SKP1: variants seen among roughly 807,000 people sequenced by gnomAD.
The protein encoded by SKP1 is S-phase kinase-associated protein 1.
SKP1 carries 1 observed loss-of-function variant against 21.5 expected under a neutral mutation model. The ratio of observed to expected loss-of-function variants is 0.05; its 90% CI spans 0.02 to 0.22. The LOEUF is 0.22. Among genes scored for constraint, SKP1 ranks in the 10% least tolerant of loss-of-function variants. The pLI is 1.00. For synonymous variants in SKP1, 59 were observed against 59.3 expected, an observed-to-expected ratio of 0.99 and a Z score of 0.03; for missense variants, 70 against 192.0, an observed-to-expected ratio of 0.36 and a Z score of 3.76.
chr5:134,163,482 A>T (rs1352964202), intron 3 of SKP1, among the ~76,000 whole-genome samples: 1 of 150,340 alleles, frequency 6.7e-6, no homozygotes, highest in African/African-American at 2.5e-5. Flanking sequence ...CAATACAAAC[A>T]GGCTTAAAAA....
intron 3 of SKP1, among the ~76,000 whole-genome samples, chr5:134,163,537 C>G (rs1016352739): frequency 2.0e-5 from 3 of 151,696 alleles, no homozygotes; most frequent in Non-Finnish European, 4.4e-5. Context: ...CACCTATAAT[C>G]CCAGCACTCT....
rs745539137 is a variant in SKP1, at chr5:134,158,612, GT to G, written c.316-18del. ...GTTTGCAGCCTGTAAAGAGACAGTT[GT>G]TTTCCTTAAAGTATACTTGATGTTT... is the stretch of plus-strand genomic sequence containing the variant. On this transcript the variant is annotated intron_variant, in intron 4 of 5. Transcript: ENST00000353411. 8.7e-6 allele frequency: 14 copies of G among 1,608,996 alleles called. No homozygotes were observed. The highest frequency in any genetic ancestry group is 1.1e-5 in the Non-Finnish European group (13 of 1,177,030).
chr5:134,171,928 C>CA (rs1437660737), intron 2 of SKP1, among the ~76,000 whole-genome samples: 5 of 152,186 alleles, frequency 3.3e-5, no homozygotes, highest in Non-Finnish European at 7.3e-5. Flanking sequence ...CCTGTAATCC[C>CA]AGCTACTTGG....
chr5:134,153,057 G>T lies in SKP1; in HGVS notation c.*4676C>A, dbSNP rs1201846369. The stretch of plus-strand genomic sequence containing the variant: ...TCTTGACTTCTTCCTAGCTTAAAAA[G>T]TTATAGACTGGTTTCAAATCCAGAT... On this transcript the variant is annotated 3_prime_UTR_variant, in exon 6 of 6. Coordinates refer to ENST00000353411, the MANE Select transcript of SKP1 (RefSeq NM_170679.3). 4 of 152,174 alleles carry T rather than the reference G, an allele frequency of 2.6e-5. No homozygotes were observed. Among genetic ancestry groups the T allele is most frequent in the Non-Finnish European group, 5.9e-5 (4 of 68,040 alleles). 9.4% of individuals were successfully genotyped at this position (152,174 alleles called of 1,614,324 possible). A position where few individuals can be genotyped will look rare whatever the true frequency, so the allele number is the denominator to read the frequency against.
At chr5:134,173,630 G>A (rs775428262) in intron 2 of SKP1, 9 of 469,248 alleles carry the variant, frequency 1.9e-5, no homozygotes, top group South Asian at 1.3e-4. Flanking sequence ...TGGAACTTAT[G>A]AATTCAAATT....
At chr5:134,176,058 T>C (rs1176988630) in intron 1 of SKP1, among the ~76,000 whole-genome samples, 4 of 152,112 alleles carry the variant, frequency 2.6e-5, no homozygotes, top group East Asian at 3.8e-4. Context: ...AAAGGAAAAA[T>C]GCATGTCCCT....
Position 134,163,157 on chromosome 5 carries a change from G to A in SKP1, c.172-2027C>T, listed in dbSNP as rs573182658. On this transcript the variant is annotated intron_variant, in intron 3 of 5. Transcript: ENST00000353411. The stretch of plus-strand genomic sequence containing the variant: ...TTGAGCCCAGGAGGCTGAGGCTGTA[G>A]TGAGCCATGATCGTGCCACTGCACT... Among the ~76,000 whole-genome samples the A allele has an allele frequency of 2.3e-5, 3 of 129,350 alleles. No homozygotes were observed. The East Asian group carries it at 7.1e-4, about 31-fold the overall frequency. The allele number at this position is 129,350 out of a possible 152,430, so 84.9% of individuals were successfully genotyped here. A position where few individuals can be genotyped will look rare whatever the true frequency, so the allele number is the denominator to read the frequency against.
intron 2 of SKP1, among the ~76,000 whole-genome samples, chr5:134,169,887 G>C (rs544752649): frequency 2.6e-5 from 4 of 152,106 alleles, no homozygotes; most frequent in Admixed American, 1.3e-4. Context: ...TGTAGTCCCA[G>C]CTACTCAGGA....
chr5:134,166,540 C>T (rs1395164646), intron 3 of SKP1, among the ~76,000 whole-genome samples: 1 of 126,628 alleles, frequency 7.9e-6, no homozygotes, highest in African/African-American at 3.0e-5. Context: ...GAGATCATAC[C>T]ACTACCCTCC....
intron 3 of SKP1, 79 bp downstream of exon 3, chr5:134,167,091 T>G: frequency 1.4e-6 from 1 of 716,252 alleles, no homozygotes; most frequent in East Asian, 2.6e-5. Flanking sequence ...AATTCTAACA[T>G]AGATTGTTGA....
chr5:134,157,519 A>G lies in SKP1; in HGVS notation c.*214T>C. The G allele has an allele frequency of 9.4e-6, 5 of 534,128 alleles. No homozygotes were observed. The highest frequency in any genetic ancestry group is 1.0e-5 in the Non-Finnish European group (3 of 298,584). The allele number at this position is 534,128 out of a possible 1,614,324, so 33.1% of individuals were successfully genotyped here. ...AGTTCAGTTTTATTCAGAGCAAAGA[A>G]AAAAGAAACTTTCCATCATACTAGA... On this transcript the variant is annotated 3_prime_UTR_variant, in exon 6 of 6. Coordinates refer to ENST00000353411, the MANE Select transcript of SKP1 (RefSeq NM_170679.3).
At chr5:134,173,104 G>T (rs1761477291) in intron 2 of SKP1, among the ~76,000 whole-genome samples, 1 of 152,042 alleles carries the variant, frequency 6.6e-6, no homozygotes, top group East Asian at 1.9e-4. Flanking sequence ...AGGTCGAGGT[G>T]GGCGGATCAC....
intron 5 of SKP1, 59 bp downstream of exon 5, chr5:134,158,396 A>G: frequency 6.2e-7 from 1 of 1,613,300 alleles, no homozygotes; most frequent in Non-Finnish European, 8.5e-7. Context: ...CTGGCATGTT[A>G]TAGGTGTTAC....
rs952091128 is a variant in SKP1 at position 134,149,952 on chromosome 5, A to G, written c.*7781T>C. The G allele has an allele frequency of 6.6e-6, 1 of 152,126 alleles. No individual in the cohort carries two copies. The highest frequency in any genetic ancestry group is 2.4e-5 in the African/African-American group (1 of 41,420). The allele number at this position is 152,126 out of a possible 1,614,324, so 9.4% of individuals were successfully genotyped here. A position where few individuals can be genotyped will look rare whatever the true frequency, so the allele number is the denominator to read the frequency against. On this transcript the variant is annotated 3_prime_UTR_variant, in exon 6 of 6. Transcript: ENST00000353411. ...AGGGTGACTTGAGATTGCAACCTCAAGTTCAACTGCTAATACCACACCAGT... is the reference window on the plus strand; with the variant it reads ...AGGGTGACTTGAGATTGCAACCTCAGGTTCAACTGCTAATACCACACCAGT...
In SKP1 at chr5:134,153,409, A is replaced by T. The variant is rs1282880785; in HGVS notation, c.*4324T>A. The T allele has an allele frequency of 6.6e-6, 1 of 152,484 alleles. No homozygotes were observed. Among genetic ancestry groups the T allele is most frequent in the Non-Finnish European group, 1.5e-5 (1 of 68,286 alleles). 9.4% of individuals were successfully genotyped at this position (152,484 alleles called of 1,614,324 possible). A position where few individuals can be genotyped will look rare whatever the true frequency, so the allele number is the denominator to read the frequency against. ...GGCAGGAGGACTGTTGGAGCCCAAG[A>T]GTTCGAGGCTGCAATGAGCTGTGAT... On this transcript the variant is annotated 3_prime_UTR_variant, in exon 6 of 6. Transcript: ENST00000353411.
chr5:134,167,336 A>G, intron 2 of SKP1, 93 bp from the exon 3 acceptor site: 1 of 806,752 alleles, frequency 1.2e-6, no homozygotes, highest in Non-Finnish European at 2.1e-6. Flanking sequence ...GTCAGCCCCC[A>G]TATCCATGAG....
intron 3 of SKP1, among the ~76,000 whole-genome samples, chr5:134,162,141 T>C (rs960439914): frequency 1.2e-4 from 19 of 152,046 alleles, no homozygotes; most frequent in Admixed American, 5.2e-4. Flanking sequence ...AAGATCTCAC[T>C]GTGTCACCCA....
intron 1 of SKP1, among the ~76,000 whole-genome samples, chr5:134,175,847 C>T (rs901832911): frequency 1.3e-5 from 2 of 152,114 alleles, no homozygotes; most frequent in Non-Finnish European, 2.9e-5. Context: ...AAAACAATTC[C>T]ATTCTAAAGA....
rs1351495015 is a variant in SKP1 at position 134,155,693 on chromosome 5, C to T, written c.*2040G>A. On this transcript the variant is annotated 3_prime_UTR_variant, in exon 6 of 6. Coordinates refer to ENST00000353411, the MANE Select transcript of SKP1 (RefSeq NM_170679.3). The stretch of plus-strand genomic sequence containing the variant: ...CAGATCAAGTGGTAATAACAAGCTC[C>T]AGTTTCTTAGAAGGTGATACTTCCT... 1.3e-5 allele frequency: 2 copies of T among 152,178 alleles called. No individual in the cohort carries two copies. The allele number at this position is 152,178 out of a possible 1,614,324, so 9.4% of individuals were successfully genotyped here.
Sources: allele counts gnomAD v4.1 joint callset (sites outside exome capture counted in the v4.1 genomes callset), GRCh38; gene constraint gnomAD v4.1.1; transcripts MANE v1.5; gene names NCBI Gene and HGNC (gene_info 2026-07-23, HGNC 2026-07-21).